ARID2: variants seen among roughly 807,000 people sequenced by gnomAD.
The protein encoded by ARID2 is AT-rich interaction domain 2, also known as AT-rich interactive domain-containing protein 2.
In ARID2, 32 loss-of-function variants were observed where a neutral mutation model predicts 184.6. The ratio of observed to expected loss-of-function variants is 0.17; its 90% CI spans 0.13 to 0.23. The LOEUF (loss-of-function observed/expected upper bound fraction) is 0.23. Among genes scored for constraint, ARID2 ranks in the 10% least tolerant of loss-of-function variants. The pLI, the probability that ARID2 is intolerant of heterozygous loss-of-function variation, is 1.00. For synonymous variants in ARID2, 836 were observed against 772.6 expected (o/e 1.08, Z -1.36); for missense variants, 1,696 against 2,197.6 (o/e 0.77, Z 4.56).
intron 20 of ARID2, chr12:45,904,489 G>A (rs977956486): frequency 9.3e-6 from 5 of 539,328 alleles, no homozygotes; most frequent in Non-Finnish European, 1.3e-5. Flanking sequence ...TCAAGAGATC[G>A]AGACCGTCCT....
At chr12:45,791,654 C>G (rs1304966674) in intron 3 of ARID2, among the ~76,000 whole-genome samples, 2 of 152,096 alleles carry the variant, frequency 1.3e-5, no homozygotes, top group Non-Finnish European at 2.9e-5. Context: ...AGTGTAGTGG[C>G]CCAATCACGG....
intron 16 of ARID2, among the ~76,000 whole-genome samples, chr12:45,878,667 A>G (rs1944050332): frequency 6.6e-6 from 1 of 151,998 alleles, no homozygotes; most frequent in Non-Finnish European, 1.5e-5. Flanking sequence ...CATATTTATT[A>G]TAATTATTTT....
rs1944533157 is a variant in ARID2 at position 45,906,572 on chromosome 12, G to C, written c.*1494G>C. The C allele has an allele frequency of 8.6e-6, 2 of 232,566 alleles. No individual in the cohort carries two copies. The highest frequency in any genetic ancestry group is 1.7e-5 in the Non-Finnish European group (2 of 117,604). 14.4% of individuals were successfully genotyped at this position (232,566 alleles called of 1,614,324 possible). ...GTCCTTCATTTCTGAGTATGCTTAA[G>C]ACATCTTAAAAATATAGAGAGAATT... On this transcript the variant is annotated 3_prime_UTR_variant, in exon 21 of 21. Coordinates refer to ENST00000334344, the MANE Select transcript of ARID2 (RefSeq NM_152641.4).
At chr12:45,801,454 G>A (rs1942500600) in intron 3 of ARID2, among the ~76,000 whole-genome samples, 1 of 152,096 alleles carries the variant, frequency 6.6e-6, no homozygotes, top group Non-Finnish European at 1.5e-5. Flanking sequence ...CTGTAAATTA[G>A]TAATTTCTAA....
At chr12:45,771,082 A>C (rs920954464) in intron 3 of ARID2, among the ~76,000 whole-genome samples, 9 of 152,218 alleles carry the variant, frequency 5.9e-5, no homozygotes, top group African/African-American at 2.2e-4. Flanking sequence ...AAAAAGCACC[A>C]CCAGCGAAGG....
chr12:45,730,223 G>A (rs1940953620), intron 2 of ARID2, 86 bp downstream of exon 2: 1 of 1,307,902 alleles, frequency 7.6e-7, no homozygotes, highest in Non-Finnish European at 1.1e-6. Context: ...GCTTGGGGCT[G>A]GGGGGGTGGC....
chr12:45,746,874 C>A (rs921532315), intron 3 of ARID2, among the ~76,000 whole-genome samples: 2 of 152,330 alleles, frequency 1.3e-5, no homozygotes, highest in East Asian at 3.9e-4. Context: ...TCACGCCATT[C>A]TCCTGCCTCA....
intron 15 of ARID2, among the ~76,000 whole-genome samples, chr12:45,859,008 A>G (rs1177637618): frequency 1.3e-5 from 2 of 151,922 alleles, no homozygotes; most frequent in Non-Finnish European, 2.9e-5. Flanking sequence ...TCCTTCTTTC[A>G]TTTGTATGTC....
At chr12:45,737,666 G>A (rs1461946167) in intron 3 of ARID2, among the ~76,000 whole-genome samples, 2 of 152,032 alleles carry the variant, frequency 1.3e-5, no homozygotes, top group Non-Finnish European at 2.9e-5. Flanking sequence ...TGATTAATAT[G>A]TATTTCCAAA....
intron 16 of ARID2, among the ~76,000 whole-genome samples, chr12:45,864,278 A>C (rs958282675): frequency 1.3e-5 from 2 of 152,122 alleles, no homozygotes; most frequent in Non-Finnish European, 2.9e-5. Flanking sequence ...CACTCTTTAG[A>C]TATAAATACT....
At chr12:45,782,205 C>G (rs974880688) in intron 3 of ARID2, among the ~76,000 whole-genome samples, 2 of 151,756 alleles carry the variant, frequency 1.3e-5, no homozygotes, top group African/African-American at 4.8e-5. Context: ...TATTCACTAG[C>G]AAATGTGTCT....
chr12:45,815,807 C>A (rs1468590444), intron 4 of ARID2, among the ~76,000 whole-genome samples: 1 of 152,068 alleles, frequency 6.6e-6, no homozygotes, highest in African/African-American at 2.4e-5. Context: ...GATTACAGCA[C>A]ACACCACCAC....
chr12:45,801,786 G>A (rs1490284576), intron 3 of ARID2, among the ~76,000 whole-genome samples: 1 of 152,014 alleles, frequency 6.6e-6, no homozygotes, highest in Admixed American at 6.6e-5. Context: ...AAAAATGTGT[G>A]TATTGGGGGG....
In ARID2 at chr12:45,819,451, A is replaced by G. The variant is rs571057742; in HGVS notation, c.637+1563A>G. ...TTATGAAGACCTTATATTTAAAACA[A>G]TAGTTTTATATGACAAAAATAATTC... On this transcript the variant is annotated intron_variant, in intron 5 of 20. Coordinates refer to ENST00000334344, the MANE Select transcript of ARID2 (RefSeq NM_152641.4). Among the ~76,000 whole-genome samples, 426 of 152,316 alleles carry G rather than the reference A, an allele frequency of 2.8e-3. 3 individuals are homozygous for G. The highest frequency in any genetic ancestry group is 9.2e-3 in the African/African-American group (381 of 41,572).
Position 45,736,428 on chromosome 12 carries a change from A to G in ARID2, c.284+5114A>G, listed in dbSNP as rs1036211538. On this transcript the variant is annotated intron_variant, in intron 3 of 20. Transcript: ENST00000334344. Reference sequence around the variant, plus strand: ...AACTGAATGAAATTAGAAGTTGGAAAGGAAGGAAAAACACAGTTTTAACTG... The same window carrying G: ...AACTGAATGAAATTAGAAGTTGGAAGGGAAGGAAAAACACAGTTTTAACTG... 4.6e-5 allele frequency among the ~76,000 whole-genome samples: 7 copies of G among 152,326 alleles called. 1 individual carries two copies. The highest frequency in any genetic ancestry group is 4.6e-4 in the Admixed American group (7 of 15,300).
At chr12:45,899,673 ATATATGGTTATATATATATGGT>A (rs1448568982) in intron 20 of ARID2, among the ~76,000 whole-genome samples, 121 of 78,996 alleles carry the variant, frequency 1.5e-3, no homozygotes, top group African/African-American at 4.5e-3. Flanking sequence ...ATATATGGTT[ATATATGGTTATATATATATGGT>A]TATATATATA....
At chr12:45,824,616 C>A (rs1368686130) in intron 6 of ARID2, among the ~76,000 whole-genome samples, 1 of 151,880 alleles carries the variant, frequency 6.6e-6, no homozygotes, top group African/African-American at 2.4e-5. Context: ...GTCAGAAAGG[C>A]AGCAAAATAA....
chr12:45,889,479 G>A (rs1327795636), intron 16 of ARID2, among the ~76,000 whole-genome samples: 3 of 152,130 alleles, frequency 2.0e-5, no homozygotes, highest in Non-Finnish European at 4.4e-5. Flanking sequence ...GTAGTTTTAA[G>A]AACAGTTTTC....
chr12:45,816,336 T>C (rs1056901120), intron 4 of ARID2, among the ~76,000 whole-genome samples: 2 of 151,972 alleles, frequency 1.3e-5, no homozygotes, highest in African/African-American at 4.8e-5. Flanking sequence ...CTTAAGAAAA[T>C]GAAAAGATAA....
Sources: allele counts gnomAD v4.1 joint callset (sites outside exome capture counted in the v4.1 genomes callset), GRCh38; gene constraint gnomAD v4.1.1; transcripts MANE v1.5; gene names NCBI Gene and HGNC (gene_info 2026-07-23, HGNC 2026-07-21).